ADGRL3: variants seen among roughly 807,000 people sequenced by gnomAD.
ADGRL3 encodes calcium-independent alpha-latrotoxin receptor 3.
Under a neutral mutation model 153.5 loss-of-function variants are expected in ADGRL3, and 62 were observed. The ratio of observed to expected loss-of-function variants is 0.40; its 90% CI spans 0.33 to 0.50. ADGRL3 has a LOEUF of 0.50. ADGRL3 is among the 20% of genes least tolerant of loss of function. The pLI, the probability that ADGRL3 is intolerant of heterozygous loss-of-function variation, is 0.47. For synonymous variants in ADGRL3, 710 were observed against 672.5 expected, an observed-to-expected ratio of 1.06 and a Z score of -0.86; for missense variants, 1,641 against 1,859.4, an observed-to-expected ratio of 0.88 and a Z score of 2.16.
chr4:61,258,232 A>T (rs1312958065), intron 1 of ADGRL3, among the ~76,000 whole-genome samples: 1 of 152,142 alleles, frequency 6.6e-6, no homozygotes, highest in Admixed American at 6.5e-5. Flanking sequence ...TCCCCAAATG[A>T]GGAGACACTT....
At position 61,941,223 on chromosome 4, in the gene ADGRL3, T is replaced by C. The variant is rs1388492851; in HGVS notation, c.2419+5178T>C. On this transcript the variant is annotated intron_variant, in intron 15 of 26. Coordinates refer to ENST00000683033, the MANE Select transcript of ADGRL3 (RefSeq NM_001387552.1). ...CCATTGCTTGTTTTTCTCAGGTTTG[T>C]GAAAGATCAGATAGTTGTAGATATG... Among the ~76,000 whole-genome samples the C allele has an allele frequency of 3.4e-5, 4 of 119,076 alleles. No individual in the cohort carries two copies. In the East Asian group the frequency reaches 1.6e-3, roughly 47 times the overall value. The allele number at this position is 119,076 out of a possible 152,430, so 78.1% of individuals were successfully genotyped here.
chr4:61,322,624 A>G (rs1340120752), intron 1 of ADGRL3, among the ~76,000 whole-genome samples: 5 of 152,214 alleles, frequency 3.3e-5, no homozygotes, highest in Admixed American at 1.3e-4. Flanking sequence ...ATCCGGCAGG[A>G]CAGTCAAATG....
chr4:61,970,224 T>A (rs2099022008), intron 17 of ADGRL3, among the ~76,000 whole-genome samples: 1 of 152,138 alleles, frequency 6.6e-6, no homozygotes. Flanking sequence ...GAATCAGACA[T>A]TTTGAAAATT....
chr4:61,228,353 A>G (rs1340975536), intron 1 of ADGRL3, among the ~76,000 whole-genome samples: 2 of 152,182 alleles, frequency 1.3e-5, no homozygotes, highest in Non-Finnish European at 2.9e-5. Flanking sequence ...TTTTATTTTT[A>G]TCCCATTTCA....
intron 2 of ADGRL3, among the ~76,000 whole-genome samples, chr4:61,469,976 T>G (rs1334606288): frequency 6.6e-6 from 1 of 151,974 alleles, no homozygotes; most frequent in Admixed American, 6.6e-5. Flanking sequence ...GTATTATTAC[T>G]TATGCTTTCT....
At chr4:61,967,922 C>A (rs886459061) in intron 17 of ADGRL3, among the ~76,000 whole-genome samples, 1 of 152,048 alleles carries the variant, frequency 6.6e-6, no homozygotes, top group Non-Finnish European at 1.5e-5. Flanking sequence ...AAGAGCACAC[C>A]ACCAGAATCT....
chr4:61,441,602 C>A (rs335278), intron 2 of ADGRL3, among the ~76,000 whole-genome samples: 1 of 151,454 alleles, frequency 6.6e-6, no homozygotes, highest in Non-Finnish European at 1.5e-5. Flanking sequence ...TCACTGCAAC[C>A]TCTGCCTCCT....
intron 8 of ADGRL3, among the ~76,000 whole-genome samples, chr4:61,743,354 G>A (rs6551648): frequency 0.58 from 84,384 of 145,620 alleles, 26,667 homozygotes; most frequent in African/African-American, 0.83. Flanking sequence ...AAAGAAAAGA[G>A]AAAACAATTC....
chr4:61,238,006 C>T (rs945331178), intron 1 of ADGRL3, among the ~76,000 whole-genome samples: 2 of 152,162 alleles, frequency 1.3e-5, no homozygotes, highest in Admixed American at 6.5e-5. Flanking sequence ...TGGAGGCCTA[C>T]AACTTTCTCC....
intron 23 of ADGRL3, among the ~76,000 whole-genome samples, chr4:62,032,981 A>G (rs1277467386): frequency 2.0e-5 from 3 of 151,730 alleles, no homozygotes; most frequent in Non-Finnish European, 4.4e-5. Context: ...ATAACAGGAT[A>G]TTTAAAAAAA....
At chr4:61,412,013 A>G (rs1341297412) in intron 2 of ADGRL3, among the ~76,000 whole-genome samples, 1 of 152,188 alleles carries the variant, frequency 6.6e-6, no homozygotes, top group Non-Finnish European at 1.5e-5. Context: ...TCTGGATATT[A>G]CATCATTGCT....
rs2151951996 is a variant in ADGRL3, at chr4:62,075,964, A to G, written c.*5056A>G. 1 of 152,246 alleles carries G rather than the reference A, an allele frequency of 6.6e-6. No individual in the cohort carries two copies. Among genetic ancestry groups the G allele is most frequent in the Admixed American group, 6.5e-5 (1 of 15,284 alleles). 9.4% of individuals were successfully genotyped at this position (152,246 alleles called of 1,614,324 possible). A position where few individuals can be genotyped will look rare whatever the true frequency, so the allele number is the denominator to read the frequency against. ...TAAGAAGAAACTTTCCTATTTACTA[A>G]TTAACACTGATTACACTCTCTTTGG... On this transcript the variant is annotated 3_prime_UTR_variant, in exon 27 of 27. Transcript: ENST00000683033.
At chr4:61,255,693 A>G (rs2091893963) in intron 1 of ADGRL3, among the ~76,000 whole-genome samples, 1 of 152,202 alleles carries the variant, frequency 6.6e-6, no homozygotes, top group South Asian at 2.1e-4. Context: ...ACTTGGCCAC[A>G]TCGCACAGGT....
intron 2 of ADGRL3, among the ~76,000 whole-genome samples, chr4:61,460,272 A>G (rs2097794889): frequency 6.6e-6 from 1 of 152,004 alleles, no homozygotes; most frequent in African/African-American, 2.4e-5. Context: ...GTCTCATTTC[A>G]TTATTCTGCA....
rs183207812 is a variant in ADGRL3, at chr4:61,791,489, C to A, written c.1400-22320C>A. On this transcript the variant is annotated intron_variant, in intron 8 of 26. Transcript: ENST00000683033. ...CTGTGGCTTTGCAGGGTATGGCCTC[C>A]CTCCTGGCTGCTTTCATGGGCTGGC... is the stretch of plus-strand genomic sequence containing the variant. Among the ~76,000 whole-genome samples, 111 of 152,292 alleles carry A rather than the reference C, an allele frequency of 7.3e-4. 2 individuals carry two copies. Among genetic ancestry groups the A allele is most frequent in the Admixed American group, 6.5e-3 (99 of 15,302 alleles).
In ADGRL3 at chr4:61,752,571, T is replaced by C. The variant is rs773451464; in HGVS notation, c.1399+19017T>C. 3.1e-4 allele frequency among the ~76,000 whole-genome samples: 47 copies of C among 152,158 alleles called. 1 individual carries two copies. Among genetic ancestry groups the C allele is most frequent in the Non-Finnish European group, 1.3e-4 (9 of 68,028 alleles). On this transcript the variant is annotated intron_variant, in intron 8 of 26. Transcript: ENST00000683033. Reference sequence around the variant, plus strand: ...GAGAGTACTTCTTACATGATGGTCTTATGTTCTGCTTCAGGGGACTGTCAG... The same window carrying C: ...GAGAGTACTTCTTACATGATGGTCTCATGTTCTGCTTCAGGGGACTGTCAG...
intron 1 of ADGRL3, among the ~76,000 whole-genome samples, chr4:61,279,327 C>T (rs1251472624): frequency 6.6e-6 from 1 of 152,008 alleles, no homozygotes; most frequent in Non-Finnish European, 1.5e-5. Context: ...GAATAGTTTC[C>T]CTGAATACTA....
intron 4 of ADGRL3, among the ~76,000 whole-genome samples, chr4:61,539,548 A>C (rs2098678100): frequency 6.6e-6 from 1 of 152,110 alleles, no homozygotes; most frequent in Non-Finnish European, 1.5e-5. Flanking sequence ...GGATCAGGTG[A>C]TGTGGTGACA....
chr4:61,938,862 CAAA>C (rs71213019), intron 15 of ADGRL3, among the ~76,000 whole-genome samples: 72 of 71,514 alleles, frequency 1.0e-3, no homozygotes, highest in African/African-American at 3.2e-3. Context: ...CCCTCCTCCT[CAAA>C]AAAAAAAAAA....
Sources: allele counts gnomAD v4.1 joint callset (sites outside exome capture counted in the v4.1 genomes callset), GRCh38; gene constraint gnomAD v4.1.1; transcripts MANE v1.5; gene names NCBI Gene and HGNC (gene_info 2026-07-23, HGNC 2026-07-21).